The following INPP1 variants were observed in gnomAD, a reference collection of about 807,000 sequenced individuals.
The protein encoded by INPP1 is inositol polyphosphate 1-phosphatase.
In INPP1, 18 loss-of-function variants were observed where a neutral mutation model predicts 23.0. The ratio of observed to expected loss-of-function variants is 0.78; its 90% CI spans 0.54 to 1.16. The LOEUF (loss-of-function observed/expected upper bound fraction) is 1.16, where lower values mean the gene tolerates loss of function less well. Ranked by LOEUF, INPP1 falls within the 50% of genes most tolerant of loss-of-function variation. The pLI, the probability that INPP1 is intolerant of heterozygous loss-of-function variation, is 0.00. For synonymous variants in INPP1, 164 were observed against 176.3 expected, an observed-to-expected ratio of 0.93 and a Z score of 0.55; for missense variants, 448 against 482.1, an observed-to-expected ratio of 0.93 and a Z score of 0.66.
chr2:190,347,917 T>C (rs918999678), intron 1 of INPP1, among the ~76,000 whole-genome samples: 1 of 152,150 alleles, frequency 6.6e-6, no homozygotes, highest in Non-Finnish European at 1.5e-5. Context: ...GCGGGTGGAT[T>C]ACCTGAGGTC....
At chr2:190,364,355 C>A (rs767621374) in intron 4 of INPP1, among the ~76,000 whole-genome samples, 2 of 151,896 alleles carry the variant, frequency 1.3e-5, no homozygotes, top group African/African-American at 2.4e-5. Flanking sequence ...CTGGCTAACA[C>A]GGTGAAACCC....
intron 1 of INPP1, 67 bp downstream of exon 1, chr2:190,344,028 T>C (rs1488546518): frequency 5.9e-6 from 2 of 336,890 alleles, no homozygotes; most frequent in Non-Finnish European, 1.2e-5. Flanking sequence ...CCTCCTTGGA[T>C]CTGGGGCCCG....
chr2:190,371,522 A>AAGGT lies in INPP1; in HGVS notation c.*120_*121insAGGT. The stretch of plus-strand genomic sequence containing the variant: ...TAACATTCACCTTCCTCTTTTGAGG[A>AAGGT]GTATTTTTCCATTATGTATTCATAA... On this transcript the variant is annotated 3_prime_UTR_variant, in exon 7 of 7. Coordinates refer to ENST00000392329, the MANE Select transcript of INPP1 (RefSeq NM_001128928.2). The surrounding 1 kb of genome is among the most constrained non-coding windows in gnomAD (Gnocchi z 5.3). 1 of 636,434 alleles carries AAGGT rather than the reference A, an allele frequency of 1.6e-6. No homozygotes were observed. Among genetic ancestry groups the AAGGT allele is most frequent in the Non-Finnish European group, 2.5e-6 (1 of 397,814 alleles). The allele number at this position is 636,434 out of a possible 1,614,324, so 39.4% of individuals were successfully genotyped here.
In INPP1 at chr2:190,356,670, T is replaced by C. The variant is rs1689426009; in HGVS notation, c.-64-3369T>C. 1 of 152,182 alleles carries C rather than the reference T, an allele frequency of 6.6e-6. No homozygotes were observed. Among genetic ancestry groups the C allele is most frequent in the Non-Finnish European group, 1.5e-5 (1 of 68,034 alleles). 9.4% of individuals were successfully genotyped at this position (152,182 alleles called of 1,614,324 possible). A position where few individuals can be genotyped will look rare whatever the true frequency, so the allele number is the denominator to read the frequency against. On this transcript the variant is annotated intron_variant, in intron 2 of 6. Coordinates refer to ENST00000392329, the MANE Select transcript of INPP1 (RefSeq NM_001128928.2). This position sits in a 1 kb window ranked among gnomAD's most constrained non-coding sequence, Gnocchi z 6.4. ...GGTGTTATAAGGAGTGTTTCTTGGT[T>C]ATTCAACAGTGTAGTTAGTATCGTT...
rs759213493 is a variant in INPP1 at position 190,346,379 on chromosome 2, G to C, written c.-209+2418G>C. On this transcript the variant is annotated intron_variant, in intron 1 of 6. Coordinates refer to ENST00000392329, the MANE Select transcript of INPP1 (RefSeq NM_001128928.2). This position sits in a 1 kb window ranked among gnomAD's most constrained non-coding sequence, Gnocchi z 5.1. Reference sequence around the variant, plus strand: ...ATATGGAAACTGATTTTATTAATATGATGAGGCCACTCATTTAGGAAATCT... The same window carrying C: ...ATATGGAAACTGATTTTATTAATATCATGAGGCCACTCATTTAGGAAATCT... Among the ~76,000 whole-genome samples, 6 of 152,190 alleles carry C rather than the reference G, an allele frequency of 3.9e-5. No individual in the cohort carries two copies. Among genetic ancestry groups the C allele is most frequent in the South Asian group, 2.1e-4 (1 of 4,828 alleles).
chr2:190,358,072 ATTT>A (rs749071988), intron 2 of INPP1, among the ~76,000 whole-genome samples: 12 of 111,402 alleles, frequency 1.1e-4, no homozygotes, highest in African/African-American at 3.6e-4. Flanking sequence ...CATTAAGGGA[ATTT>A]TTTTTTTTTT....
Position 190,360,215 on chromosome 2 carries a change from A to C in INPP1, c.113A>C (p.Glu38Ala). The change falls in exon 3 of 7, where the codon GAG (glutamate) becomes GCG (alanine). Residue 38 changes from glutamate (E) to alanine (A), a missense_variant. Glu to Ala is a moderately radical substitution (Grantham distance 107). Transcript: ENST00000392329. ...CAGCTGCTGATCGAAGAAAAGAAAG[A>C]GGGAGAAAAGAACAAGAAGTTTGCA... ...LFQLLIEEKK[E>A]GEKNKKFAVD... 6.2e-7 allele frequency: 1 copy of C among 1,614,246 alleles called. No homozygotes were observed. The highest frequency in any genetic ancestry group is 8.5e-7 in the Non-Finnish European group (1 of 1,180,038).
intron 2 of INPP1, among the ~76,000 whole-genome samples, chr2:190,349,254 A>G (rs1689281682): frequency 6.6e-6 from 1 of 152,100 alleles, no homozygotes; most frequent in African/African-American, 2.4e-5. Context: ...CCTTGCCAAC[A>G]TGGTGAAACC....
chr2:190,361,060 T>C (rs1259228042), intron 3 of INPP1, among the ~76,000 whole-genome samples: 2 of 152,298 alleles, frequency 1.3e-5, no homozygotes, highest in East Asian at 3.9e-4. Context: ...TATTCTAAAG[T>C]CGTCGTTAAA....
intron 1 of INPP1, among the ~76,000 whole-genome samples, 181 bp from the exon 2 acceptor site, chr2:190,348,707 T>C (rs1346858093): frequency 6.6e-6 from 1 of 152,240 alleles, no homozygotes; most frequent in African/African-American, 2.4e-5. Context: ...TGTTGTAGCA[T>C]GTGTCAGAAT....
Position 190,363,038 on chromosome 2 carries a change from A to G in INPP1, c.265+351A>G, listed in dbSNP as rs533941836. ...GCCCATCTACAAAATTATGCAGACA[A>G]TTTCAGATCCTAGGTTTAAACCCAT... On this transcript the variant is annotated intron_variant, in intron 4 of 6. Coordinates refer to ENST00000392329, the MANE Select transcript of INPP1 (RefSeq NM_001128928.2). This position sits in a 1 kb window ranked among gnomAD's most constrained non-coding sequence, Gnocchi z 4.4. 2.9e-5 allele frequency: 5 copies of G among 171,750 alleles called. No homozygotes were observed. Among genetic ancestry groups the G allele is most frequent in the Non-Finnish European group, 6.1e-5 (5 of 81,414 alleles). 10.6% of individuals were successfully genotyped at this position (171,750 alleles called of 1,614,324 possible). A position where few individuals can be genotyped will look rare whatever the true frequency, so the allele number is the denominator to read the frequency against.
rs1387719350 is a variant in INPP1 at position 190,364,687 on chromosome 2, T to G, written c.265+2000T>G. Among the ~76,000 whole-genome samples, 6 of 141,546 alleles carry G rather than the reference T, an allele frequency of 4.2e-5. No homozygotes were observed. In the East Asian group the frequency reaches 1.2e-3, roughly 28 times the overall value. 92.9% of individuals were successfully genotyped at this position (141,546 alleles called of 152,430 possible). Reference sequence around the variant, plus strand: ...CTCACTGCAGCCTCCGCCTCCCAAATTCAAGCGATTCTCCTGCCTCAGCCT... The same window carrying G: ...CTCACTGCAGCCTCCGCCTCCCAAAGTCAAGCGATTCTCCTGCCTCAGCCT... On this transcript the variant is annotated intron_variant, in intron 4 of 6. Transcript: ENST00000392329.
rs1389920780 is a variant in INPP1, at chr2:190,367,143, A to G, written c.466+248A>G. On this transcript the variant is annotated intron_variant, in intron 5 of 6. Coordinates refer to ENST00000392329, the MANE Select transcript of INPP1 (RefSeq NM_001128928.2). The surrounding 1 kb of genome is among the most constrained non-coding windows in gnomAD (Gnocchi z 4.1). ...AACAGGTGTGTGTATATACACACAC[A>G]TACATACAGGCACACATGCAAAGAT... Among the ~76,000 whole-genome samples the G allele has an allele frequency of 6.6e-6, 1 of 152,200 alleles. No individual in the cohort carries two copies. Among genetic ancestry groups the G allele is most frequent in the Non-Finnish European group, 1.5e-5 (1 of 68,050 alleles).
At position 190,371,013 on chromosome 2, in the gene INPP1, A is replaced by G; in HGVS notation, c.811A>G (p.Thr271Ala). Residue 271 changes from threonine (T) to alanine (A), a missense_variant, in exon 7 of 7, where the codon ACT (threonine) becomes GCT (alanine). Transcript: ENST00000392329. This position sits in a 1 kb window ranked among gnomAD's most constrained non-coding sequence, Gnocchi z 5.3. The stretch of plus-strand genomic sequence containing the variant: ...CGTAATTAGTACAAGTGAAAAGGAG[A>G]CTATCAAAGCTGCATTGTCACGTGT... ...SAVISTSEKETIKAALSRVCG... is the reference protein window; with the variant it reads ...SAVISTSEKEAIKAALSRVCG... The G allele has an allele frequency of 6.2e-7, 1 of 1,614,190 alleles. No individual in the cohort carries two copies. The highest frequency in any genetic ancestry group is 8.5e-7 in the Non-Finnish European group (1 of 1,180,032).
chr2:190,369,635 C>T (rs913403030), intron 6 of INPP1, among the ~76,000 whole-genome samples: 3 of 152,162 alleles, frequency 2.0e-5, no homozygotes, highest in East Asian at 1.9e-4. Flanking sequence ...CAGCTGCCAT[C>T]GCTGTATAGC....
At chr2:190,362,351 GTACT>G (rs1323872120) in intron 3 of INPP1, among the ~76,000 whole-genome samples, 3 of 152,162 alleles carry the variant, frequency 2.0e-5, no homozygotes, top group African/African-American at 7.2e-5. Flanking sequence ...GTTTCTAGAA[GTACT>G]TTTGCAAACT....
Position 190,360,172 on chromosome 2 carries a change from C to G in INPP1, c.70C>G (p.Gln24Glu), listed in dbSNP as rs1420018802. ...TGCTAACATTGCCCGGGCGTGCAGA[C>G]AGCAGGAAGCCCTCTTCCAGCTGCT... ...KAANIARACR[Q>E]QEALFQLLIE... Residue 24 changes from glutamine to glutamate, a missense_variant, in exon 3 of 7, where the codon CAG (glutamine) becomes GAG (glutamate). By Grantham distance (29) the Gln-to-Glu change is conservative. Coordinates refer to ENST00000392329, the MANE Select transcript of INPP1 (RefSeq NM_001128928.2). The G allele has an allele frequency of 1.9e-6, 3 of 1,614,020 alleles. No homozygotes were observed. The African/African-American group carries it at 4.0e-5, about 22-fold the overall frequency.
In INPP1 at chr2:190,369,113, T is replaced by C. The variant is rs767192789; in HGVS notation, c.477T>C (p.Tyr159=). 3.4e-5 allele frequency: 54 copies of C among 1,569,750 alleles called. No homozygotes were observed. The highest frequency in any genetic ancestry group is 4.7e-5 in the Non-Finnish European group (54 of 1,151,826). Residue 159 remains tyrosine, a synonymous_variant, in exon 6 of 7, where the codon TAT becomes TAC. Transcript: ENST00000392329. Reference sequence around the variant, plus strand: ...TGTTTCCTTTTTCAGATTCAACTTATCAGTATATAAAAGGTTCTGCTGACA... The same window carrying C: ...TGTTTCCTTTTTCAGATTCAACTTACCAGTATATAAAAGGTTCTGCTGACA... ...GIWVDPIDST[Y]QYIKGSADIK...
At chr2:190,344,006 G>C in intron 1 of INPP1, 45 bp downstream of exon 1, 1 of 330,028 alleles carries the variant, frequency 3.0e-6, no homozygotes, top group Non-Finnish European at 6.4e-6. Flanking sequence ...GGGTCCCCGC[G>C]CCGCTGCCCC....
Sources: allele counts gnomAD v4.1 joint callset (sites outside exome capture counted in the v4.1 genomes callset), GRCh38; gene constraint gnomAD v4.1.1; non-coding constraint Gnocchi (gnomAD v3.1); transcripts MANE v1.5; gene names NCBI Gene and HGNC (gene_info 2026-07-23, HGNC 2026-07-21).